MAP4K1: variants seen among roughly 807,000 people sequenced by gnomAD.
MAP4K1 encodes mitogen-activated protein kinase kinase kinase kinase 1.
Under a neutral mutation model 122.8 loss-of-function variants are expected in MAP4K1, and 35 were observed. That is an observed-to-expected ratio of 0.29 (90% CI 0.22 to 0.38). The LOEUF (loss-of-function observed/expected upper bound fraction) is 0.38, where lower values mean the gene tolerates loss of function less well. Among genes scored for constraint, MAP4K1 ranks in the 10% least tolerant of loss-of-function variants. The probability of loss-of-function intolerance (pLI) is 1.00; values close to 1 mark genes in which losing one functional copy is unlikely to be tolerated. For synonymous variants in MAP4K1, 412 were observed against 421.3 expected, an observed-to-expected ratio of 0.98 and a Z score of 0.27; for missense variants, 791 against 1,072.6, an observed-to-expected ratio of 0.74 and a Z score of 3.67.
intron 4 of MAP4K1, among the ~76,000 whole-genome samples, chr19:38,615,400 CAG>C (rs1280828930): frequency 6.6e-6 from 1 of 150,916 alleles, no homozygotes; most frequent in African/African-American, 2.4e-5. Context: ...CAGAGAGAGA[CAG>C]AGAAACGGAG....
Position 38,601,447 on chromosome 19 carries a change from T to C in MAP4K1, c.1525A>G (p.Thr509Ala), listed in dbSNP as rs774107820. ...GACCCTCCAGAATGCCCACCCTTGG[T>C]GGAGGGATGTGTCCAGGCGGCCGTG... ...HSTAAWTHPS[T>A]KDQHLLLGAE... is the part of the protein sequence containing the mutation. Residue 509 changes from threonine (T) to alanine (A), a missense_variant, in exon 20 of 31, where the codon ACC becomes GCC. Coordinates refer to ENST00000396857, the MANE Select transcript of MAP4K1 (RefSeq NM_001042600.3). 1 of 1,607,422 alleles carries C rather than the reference T, an allele frequency of 6.2e-7. No homozygotes were observed. The highest frequency in any genetic ancestry group is 1.1e-5 in the South Asian group (1 of 89,558).
At position 38,609,585 on chromosome 19, in the gene MAP4K1, T is replaced by C; in HGVS notation, c.1006+11A>G. On this transcript the variant is annotated intron_variant, in intron 13 of 30. Transcript: ENST00000396857. The stretch of plus-strand genomic sequence containing the variant: ...GTCAGGTGTCCCCAAACATAAGGAT[T>C]CTCTACTCACGACAGCAGTCTGCAT... 1 of 1,612,398 alleles carries C rather than the reference T, an allele frequency of 6.2e-7. No individual in the cohort carries two copies. The highest frequency in any genetic ancestry group is 1.1e-5 in the South Asian group (1 of 90,634).
At chr19:38,595,245 C>T (rs1160587632) in intron 29 of MAP4K1, among the ~76,000 whole-genome samples, 4 of 151,938 alleles carry the variant, frequency 2.6e-5, no homozygotes, top group Non-Finnish European at 5.9e-5. Flanking sequence ...GCCGGGATCG[C>T]ACCACTGCAC....
intron 30 of MAP4K1, 117 bp downstream of exon 30, chr19:38,593,165 G>T: frequency 1.1e-6 from 1 of 896,056 alleles, no homozygotes; most frequent in Non-Finnish European, 1.7e-6. Flanking sequence ...ATGGAAGCAG[G>T]GTGACCAGGT....
chr19:38,589,210 G>C, intron 30 of MAP4K1: 1 of 159,996 alleles, frequency 6.3e-6, no homozygotes, highest in East Asian at 2.0e-4. Context: ...GGCTGAGGCA[G>C]GAGAATTGCT....
At chr19:38,589,452 G>A (rs1220592766) in intron 30 of MAP4K1, among the ~76,000 whole-genome samples, 1 of 147,748 alleles carries the variant, frequency 6.8e-6, no homozygotes, top group African/African-American at 2.5e-5. Context: ...GTTCACTCTT[G>A]TTGCCCAGGC....
chr19:38,592,456 A>T, intron 30 of MAP4K1: 1 of 151,832 alleles, frequency 6.6e-6, no homozygotes, highest in Non-Finnish European at 1.5e-5. Context: ...ACACCTGTAA[A>T]CCCAGCTACT....
At chr19:38,595,399 G>C (rs759254490) in intron 29 of MAP4K1, 86 bp downstream of exon 29, 1 of 1,374,458 alleles carries the variant, frequency 7.3e-7, no homozygotes, top group Admixed American at 1.7e-5. Context: ...TTCACACTCT[G>C]ACTCAGGAGT....
At chr19:38,615,582 A>G (rs1185968054) in intron 4 of MAP4K1, among the ~76,000 whole-genome samples, 1 of 152,090 alleles carries the variant, frequency 6.6e-6, no homozygotes, top group Admixed American at 6.6e-5. Flanking sequence ...AGACAGAGAG[A>G]CAGACAGACA....
chr19:38,596,952 G>C, intron 25 of MAP4K1, 82 bp downstream of exon 25: 1 of 1,321,728 alleles, frequency 7.6e-7, no homozygotes, highest in Non-Finnish European at 1.1e-6. Context: ...GGGCTTCATG[G>C]AGCTCTTGAT....
At chr19:38,595,355 A>G (rs1974841810) in intron 29 of MAP4K1, 130 bp downstream of exon 29, 1 of 698,052 alleles carries the variant, frequency 1.4e-6, no homozygotes, top group Non-Finnish European at 2.4e-6. Flanking sequence ...GATCTATCTG[A>G]ACTGAAATTT....
chr19:38,612,525 C>G, intron 9 of MAP4K1, 86 bp downstream of exon 9: 3 of 1,375,762 alleles, frequency 2.2e-6, no homozygotes, highest in Non-Finnish European at 2.9e-6. Flanking sequence ...ATTGGAGGTT[C>G]CTGGGATGGA....
Position 38,597,633 on chromosome 19 carries a change from T to C in MAP4K1, c.1670-39A>G, listed in dbSNP as rs530535268. The C allele has an allele frequency of 3.7e-5, 51 of 1,385,302 alleles. No individual in the cohort carries two copies. In the South Asian group the frequency reaches 6.3e-4, roughly 17 times the overall value. 85.8% of individuals were successfully genotyped at this position (1,385,302 alleles called of 1,614,324 possible). The stretch of plus-strand genomic sequence containing the variant: ...GTATGTAGGGGGAAGCAGGAAGTTA[T>C]AGGATCCCATATACCACTTCCTTTC... On this transcript the variant is annotated intron_variant, in intron 22 of 30. Coordinates refer to ENST00000396857, the MANE Select transcript of MAP4K1 (RefSeq NM_001042600.3). The surrounding 1 kb of genome is among the most constrained non-coding windows in gnomAD (Gnocchi z 4.6).
chr19:38,602,846 A>G (rs192335626), intron 19 of MAP4K1, among the ~76,000 whole-genome samples: 1 of 149,228 alleles, frequency 6.7e-6, no homozygotes, highest in Admixed American at 6.7e-5. Flanking sequence ...ATATACATAT[A>G]TACACATATA....
At position 38,597,333 on chromosome 19, in the gene MAP4K1, G is replaced by A; in HGVS notation, c.1830C>T (p.Cys610=). ...KIQDTKGCRA[C]CVAEGASSGG... Reference sequence around the variant, plus strand: ...CGTGAAGCTCTCTCTCACCCACACAGCACGCCCGGCAGCCTTTGGTGTCCT... The same window carrying A: ...CGTGAAGCTCTCTCTCACCCACACAACACGCCCGGCAGCCTTTGGTGTCCT... Residue 610 remains cysteine (C), a synonymous_variant, in exon 24 of 31, where the codon TGC becomes TGT. Coordinates refer to ENST00000396857, the MANE Select transcript of MAP4K1 (RefSeq NM_001042600.3). This position sits in a 1 kb window ranked among gnomAD's most constrained non-coding sequence, Gnocchi z 4.6. 6.2e-7 allele frequency: 1 copy of A among 1,613,946 alleles called. No homozygotes were observed. Among genetic ancestry groups the A allele is most frequent in the Non-Finnish European group, 8.5e-7 (1 of 1,180,018 alleles).
chr19:38,596,893 G>A (rs1157639422), intron 25 of MAP4K1, 141 bp downstream of exon 25: 7 of 768,396 alleles, frequency 9.1e-6, no homozygotes, highest in Non-Finnish European at 6.5e-6. Context: ...AGCGCAGACC[G>A]CAGGTGGGCG....
At chr19:38,612,916 G>A (rs537480138) in intron 8 of MAP4K1, among the ~76,000 whole-genome samples, 174 bp from the exon 9 acceptor site, 1 of 152,286 alleles carries the variant, frequency 6.6e-6, no homozygotes, top group East Asian at 1.9e-4. Flanking sequence ...TGCAGACGGG[G>A]CGCGATGGCT....
intron 30 of MAP4K1, among the ~76,000 whole-genome samples, chr19:38,590,472 TTTG>T (rs751240357): frequency 3.8e-4 from 52 of 138,426 alleles, no homozygotes; most frequent in Admixed American, 8.4e-4. Context: ...GGTGAAATTT[TTTG>T]TTGTTGTTGT....
rs377671173 is a variant in MAP4K1 at position 38,603,118 on chromosome 19, G to A, written c.1447-1593C>T. 5.8e-3 allele frequency among the ~76,000 whole-genome samples: 384 copies of A among 65,842 alleles called. 24 individuals are homozygous for A. The highest frequency in any genetic ancestry group is 0.014 in the East Asian group (26 of 1,818). The allele number at this position is 65,842 out of a possible 152,430, so 43.2% of individuals were successfully genotyped here. ...TATACACATGTACATATATACACAT[G>A]TACATATATACGCATATACATATAT... On this transcript the variant is annotated intron_variant, in intron 19 of 30. Transcript: ENST00000396857.
Sources: gnomAD v4.1 joint callset for allele counts (sites outside exome capture counted in the v4.1 genomes callset) on GRCh38, gnomAD v4.1.1 for gene constraint, Gnocchi (gnomAD v3.1) non-coding constraint, MANE v1.5 for transcripts, NCBI Gene and HGNC (gene_info 2026-07-23, HGNC 2026-07-21) for gene names.